Variants in RAP1GAP2 observed in about 807,000 individuals in gnomAD.
RAP1GAP2 encodes the protein RAP1 GTPase activating protein 2, also known as rap1 GTPase-activating protein 2.
In RAP1GAP2, 27 loss-of-function variants were observed where a neutral mutation model predicts 95.0. That is an observed-to-expected ratio of 0.28 (90% confidence interval 0.21 to 0.39). The LOEUF (loss-of-function observed/expected upper bound fraction) is 0.39. Among genes scored for constraint, RAP1GAP2 ranks in the 10% least tolerant of loss-of-function variants. The pLI is 1.00. For synonymous variants in RAP1GAP2, 373 were observed against 380.9 expected (o/e 0.98, Z 0.24); for missense variants, 771 against 970.0 (o/e 0.79, Z 2.72).
chr17:2,880,106 A>T (rs1442901528), intron 2 of RAP1GAP2, among the ~76,000 whole-genome samples: 1 of 152,272 alleles, frequency 6.6e-6, no homozygotes, highest in African/African-American at 2.4e-5. Flanking sequence ...GTGGTGGCAG[A>T]GAGCACGGGG....
chr17:3,034,105 C>T lies in RAP1GAP2; in HGVS notation c.*744C>T, dbSNP rs1250521227. On this transcript the variant is annotated 3_prime_UTR_variant, in exon 25 of 25. Transcript: ENST00000254695. This position sits in a 1 kb window ranked among gnomAD's most constrained non-coding sequence, Gnocchi z 5.1. The stretch of plus-strand genomic sequence containing the variant: ...GCGCTGCACACTTCCTGGACTGAGG[C>T]GGGGACTTTGGGTCCCACCCGGTTT... 5.2e-5 allele frequency: 8 copies of T among 154,896 alleles called. No individual in the cohort carries two copies. In the South Asian group the frequency reaches 9.0e-4, roughly 18 times the overall value. The allele number at this position is 154,896 out of a possible 1,614,324, so 9.6% of individuals were successfully genotyped here.
chr17:3,031,870 T>G (rs1015755244), intron 23 of RAP1GAP2, among the ~76,000 whole-genome samples: 1 of 140,822 alleles, frequency 7.1e-6, no homozygotes, highest in African/African-American at 2.7e-5. Context: ...GGTCCAGATG[T>G]GATGTGGGAA....
chr17:2,864,707 G>A (rs1250945313), intron 2 of RAP1GAP2, among the ~76,000 whole-genome samples: 2 of 152,186 alleles, frequency 1.3e-5, no homozygotes, highest in Admixed American at 1.3e-4. Context: ...GGTCTTGGCA[G>A]ATCCATTGCG....
intron 17 of RAP1GAP2, among the ~76,000 whole-genome samples, chr17:3,010,893 T>C (rs2046511582): frequency 6.6e-6 from 1 of 152,150 alleles, no homozygotes; most frequent in Non-Finnish European, 1.5e-5. Flanking sequence ...TTCAGGGCCC[T>C]GACGGTTGTG....
At chr17:2,997,429 T>C (rs1011872812) in intron 13 of RAP1GAP2, among the ~76,000 whole-genome samples, 3 of 152,136 alleles carry the variant, frequency 2.0e-5, no homozygotes, top group East Asian at 3.9e-4. Context: ...GCTTTGTTAG[T>C]TTTCTCAGGT....
chr17:2,785,147 G>A (rs898735036), intron 1 of RAP1GAP2, among the ~76,000 whole-genome samples: 6 of 152,186 alleles, frequency 3.9e-5, no homozygotes, highest in African/African-American at 1.4e-4. Flanking sequence ...TTGGCAGGGG[G>A]CCCAGGAAGA....
At chr17:2,773,367 G>A (rs2068435099), upstream of RAP1GAP2, among the ~76,000 whole-genome samples, 1 of 152,200 alleles carries the variant, frequency 6.6e-6, no homozygotes, top group Non-Finnish European at 1.5e-5. Context: ...TTAGACCGGG[G>A]GTGGAGCAGG....
chr17:2,811,726 C>T (rs537458863), intron 2 of RAP1GAP2, among the ~76,000 whole-genome samples: 2 of 152,138 alleles, frequency 1.3e-5, no homozygotes, highest in South Asian at 2.1e-4. Flanking sequence ...TACAGGCATG[C>T]GCCACCATTT....
intron 3 of RAP1GAP2, among the ~76,000 whole-genome samples, chr17:2,919,249 G>A (rs2042672835): frequency 6.6e-6 from 1 of 152,214 alleles, no homozygotes; most frequent in Admixed American, 6.5e-5. Flanking sequence ...CAGACCTGGA[G>A]GAAGGAACAT....
At chr17:2,975,657 C>T (rs1321639499) in intron 8 of RAP1GAP2, among the ~76,000 whole-genome samples, 3 of 152,220 alleles carry the variant, frequency 2.0e-5, no homozygotes, top group Non-Finnish European at 4.4e-5. Context: ...TGTGTTCCTT[C>T]CCCCTTTTCC....
In RAP1GAP2 at chr17:2,827,977, G is replaced by A. The variant is rs2070652944; in HGVS notation, c.80+27427G>A. Among the ~76,000 whole-genome samples the A allele has an allele frequency of 6.6e-6, 1 of 152,198 alleles. No homozygotes were observed. Among genetic ancestry groups the A allele is most frequent in the African/African-American group, 2.4e-5 (1 of 41,456 alleles). On this transcript the variant is annotated intron_variant, in intron 2 of 24. Coordinates refer to ENST00000254695, the MANE Select transcript of RAP1GAP2 (RefSeq NM_015085.5). The surrounding 1 kb of genome is among the most constrained non-coding windows in gnomAD (Gnocchi z 4.1). Reference sequence around the variant, plus strand: ...CCTTCCCTGTGGGGGAGCCACAAGAGGCCGTCCCTGGGCCTGCAAGCATGA... The same window carrying A: ...CCTTCCCTGTGGGGGAGCCACAAGAAGCCGTCCCTGGGCCTGCAAGCATGA...
chr17:2,837,714 C>T (rs1057228453), intron 2 of RAP1GAP2, among the ~76,000 whole-genome samples: 2 of 149,866 alleles, frequency 1.3e-5, no homozygotes, highest in Non-Finnish European at 2.9e-5. Flanking sequence ...TCACGCCATT[C>T]TTCTGCCTCA....
intron 22 of RAP1GAP2, among the ~76,000 whole-genome samples, chr17:3,028,434 A>G (rs929581444): frequency 6.6e-6 from 1 of 152,178 alleles, no homozygotes; most frequent in African/African-American, 2.4e-5. Context: ...TAGCCACATC[A>G]GACAAATAAT....
At chr17:2,900,953 A>G (rs1196306241) in intron 2 of RAP1GAP2, among the ~76,000 whole-genome samples, 1 of 152,160 alleles carries the variant, frequency 6.6e-6, no homozygotes, top group Non-Finnish European at 1.5e-5. Context: ...AGATGGTCTG[A>G]GGCAGAGCCC....
At chr17:2,858,168 G>A (rs1172484748) in intron 2 of RAP1GAP2, among the ~76,000 whole-genome samples, 1 of 152,156 alleles carries the variant, frequency 6.6e-6, no homozygotes, top group Non-Finnish European at 1.5e-5. Context: ...TTCTGAACTG[G>A]AGAGAGGTCA....
intron 3 of RAP1GAP2, among the ~76,000 whole-genome samples, chr17:2,918,336 G>T (rs1332139302): frequency 6.6e-6 from 1 of 151,210 alleles, no homozygotes; most frequent in Non-Finnish European, 1.5e-5. Context: ...GGGAGGCTGA[G>T]GCAGGAGAAT....
chr17:2,927,315 G>A (rs1206448035), intron 3 of RAP1GAP2, among the ~76,000 whole-genome samples: 3 of 151,898 alleles, frequency 2.0e-5, no homozygotes, highest in South Asian at 4.1e-4. Context: ...CACCGCGCCC[G>A]GCTAATTTTT....
At chr17:2,810,199 C>T (rs1278786354) in intron 2 of RAP1GAP2, among the ~76,000 whole-genome samples, 4 of 152,016 alleles carry the variant, frequency 2.6e-5, no homozygotes, top group African/African-American at 7.2e-5. Context: ...TTGTCTGGAC[C>T]ACCCCGGCCT....
intron 23 of RAP1GAP2, among the ~76,000 whole-genome samples, chr17:3,031,767 A>G (rs1183837456): frequency 7.1e-6 from 1 of 141,070 alleles, no homozygotes. Flanking sequence ...TCACCAGACT[A>G]TCGAGAGCTC....
Sources: allele counts gnomAD v4.1 joint callset (sites outside exome capture counted in the v4.1 genomes callset), GRCh38; gene constraint gnomAD v4.1.1; non-coding constraint Gnocchi (gnomAD v3.1); transcripts MANE v1.5; gene names NCBI Gene and HGNC (gene_info 2026-07-23, HGNC 2026-07-21).